Variants in UNC13C observed in about 807,000 individuals in gnomAD.
UNC13C encodes the protein protein unc-13 homolog C.
A neutral mutation model predicts 245.4 loss-of-function variants in UNC13C; 174 were observed. The observed-to-expected ratio is 0.71, with a 90% CI of 0.63 to 0.80. The LOEUF is 0.80. UNC13C is among the 30% of genes least tolerant of loss of function. UNC13C has a pLI of 0.00. For missense variants in UNC13C, 2,829 were observed against 2,602.9 expected (o/e 1.09, Z -1.89); for synonymous variants, 992 against 895.1 (o/e 1.11, Z -1.93).
chr15:54,600,180 G>T (rs1450820165), intron 30 of UNC13C, among the ~76,000 whole-genome samples: 1 of 152,040 alleles, frequency 6.6e-6, no homozygotes, highest in African/African-American at 2.4e-5. Flanking sequence ...GTGAGAGAGT[G>T]ATTTCATGGT....
the UNC13C span, among the ~76,000 whole-genome samples, chr15:53,951,972 C>T: frequency 1.3e-5 from 2 of 152,094 alleles, no homozygotes; most frequent in Non-Finnish European, 1.5e-5. Context: ...AAATGGAAAA[C>T]GTTGACTGCA....
chr15:54,442,149 G>C (rs1184331380), intron 19 of UNC13C, among the ~76,000 whole-genome samples: 1 of 150,886 alleles, frequency 6.6e-6, no homozygotes, highest in Admixed American at 6.6e-5. Flanking sequence ...TTCCAATTTT[G>C]ATGCCTTTTT....
Position 54,338,399 on chromosome 15 carries a change from G to T in UNC13C, c.4623G>T (p.Val1541=). The T allele has an allele frequency of 6.2e-7, 1 of 1,613,350 alleles. No homozygotes were observed. The highest frequency in any genetic ancestry group is 8.5e-7 in the Non-Finnish European group (1 of 1,179,478). The stretch of plus-strand genomic sequence containing the variant: ...AAAGCCCCCCAAAAGCGAGCATGGT[G>T]GTGAAGGACTGTGTAAGGGCTTGCC... The part of the protein sequence containing the change: ...ELQSPPKASM[V]VKDCVRACLD... Residue 1541 remains valine (V), a synonymous_variant, in exon 17 of 33, where the codon GTG becomes GTT. Transcript: ENST00000260323.
intron 19 of UNC13C, among the ~76,000 whole-genome samples, chr15:54,493,733 A>G (rs1893826973): frequency 6.6e-6 from 1 of 152,118 alleles, no homozygotes; most frequent in Non-Finnish European, 1.5e-5. Flanking sequence ...AGGTTTCATT[A>G]TGTTTACAGT....
intron 2 of UNC13C, among the ~76,000 whole-genome samples, chr15:54,140,476 C>T (rs1380514081): frequency 6.6e-6 from 1 of 152,122 alleles, no homozygotes; most frequent in Non-Finnish European, 1.5e-5. Flanking sequence ...GATAAGGAAA[C>T]TGGCAAAGGA....
Position 54,014,176 on chromosome 15 carries a change from C to G in UNC13C, c.1273C>G (p.Gln425Glu). 6.2e-7 allele frequency: 1 copy of G among 1,613,874 alleles called. No individual in the cohort carries two copies. The highest frequency in any genetic ancestry group is 8.5e-7 in the Non-Finnish European group (1 of 1,179,846). The stretch of plus-strand genomic sequence containing the variant: ...AAAAGAGAAAGGGATACCATCCTCC[C>G]AGACATATGAGAGCATGGCTATAAA... ...ERKEKGIPSS[Q>E]TYESMAIKLS... Residue 425 changes from glutamine (Q) to glutamate (E), a missense_variant, in exon 2 of 33, where the codon CAG becomes GAG. Transcript: ENST00000260323.
chr15:54,380,491 T>C (rs1362940221), intron 17 of UNC13C, among the ~76,000 whole-genome samples: 1 of 152,194 alleles, frequency 6.6e-6, no homozygotes, highest in Non-Finnish European at 1.5e-5. Context: ...ATATATACAG[T>C]GGTCAGCTGA....
At chr15:54,468,444 C>G (rs570100388) in intron 19 of UNC13C, among the ~76,000 whole-genome samples, 1 of 151,580 alleles carries the variant, frequency 6.6e-6, no homozygotes, top group South Asian at 2.1e-4. Flanking sequence ...TGTGCAGAAG[C>G]TTTTTATTTT....
chr15:54,232,682 A>T (rs1272956604), intron 4 of UNC13C, among the ~76,000 whole-genome samples: 6 of 152,184 alleles, frequency 3.9e-5, no homozygotes, highest in Admixed American at 1.3e-4. Context: ...TGAAAGTTGC[A>T]TTATTTAGAA....
chr15:54,439,348 C>T (rs572972681), intron 19 of UNC13C, among the ~76,000 whole-genome samples: 9 of 151,976 alleles, frequency 5.9e-5, no homozygotes, highest in South Asian at 2.1e-4. Flanking sequence ...AGGTTTCTTT[C>T]GACTATGTAA....
intron 30 of UNC13C, among the ~76,000 whole-genome samples, chr15:54,595,250 G>A (rs1040966169): frequency 3.9e-5 from 6 of 151,906 alleles, no homozygotes; most frequent in Non-Finnish European, 8.8e-5. Context: ...TTATGCTCTC[G>A]GGGCCTAAGG....
At chr15:53,905,399 T>TAC in the UNC13C span, among the ~76,000 whole-genome samples, 8,262 of 123,502 alleles carry the variant, frequency 0.067, 495 homozygotes, top group East Asian at 0.22. Context: ...TATTACTTTA[T>TAC]ACACACACAC....
intron 4 of UNC13C, among the ~76,000 whole-genome samples, chr15:54,174,157 G>A (rs2033523774): frequency 6.6e-6 from 1 of 152,078 alleles, no homozygotes; most frequent in Non-Finnish European, 1.5e-5. Flanking sequence ...TTGGTCGCTA[G>A]TTCTCTTTTC....
chr15:53,929,256 C>T, the UNC13C span, among the ~76,000 whole-genome samples: 2 of 152,042 alleles, frequency 1.3e-5, no homozygotes, highest in African/African-American at 4.8e-5. Context: ...AAAGTCCCAC[C>T]CCCATGATTC....
chr15:54,304,319 G>A (rs919949741), intron 13 of UNC13C, among the ~76,000 whole-genome samples: 2 of 152,116 alleles, frequency 1.3e-5, no homozygotes, highest in Non-Finnish European at 2.9e-5. Flanking sequence ...GAATGCCTTA[G>A]GTTTTGTGAT....
At chr15:54,292,942 C>A (rs1012735968) in intron 10 of UNC13C, among the ~76,000 whole-genome samples, 1 of 148,248 alleles carries the variant, frequency 6.7e-6, no homozygotes, top group African/African-American at 2.5e-5. Context: ...ATATCTATAT[C>A]TATCTATATA....
At chr15:53,981,989 C>A (rs1046020384) in intron 1 of UNC13C, among the ~76,000 whole-genome samples, 5 of 152,070 alleles carry the variant, frequency 3.3e-5, no homozygotes, top group African/African-American at 9.7e-5. Context: ...TTATATTATT[C>A]TTCCTATGTA....
At chr15:53,979,751 T>A (rs2243799) in intron 1 of UNC13C, among the ~76,000 whole-genome samples, 59,634 of 152,022 alleles carry the variant, frequency 0.39, 12,936 homozygotes, top group East Asian at 0.56. Context: ...TGGGTAATGC[T>A]TATAAAGATT....
At chr15:53,961,248 G>A in the UNC13C span, among the ~76,000 whole-genome samples, 4,699 of 152,318 alleles carry the variant, frequency 0.031, 99 homozygotes, top group South Asian at 0.058. Context: ...GCACAGCACC[G>A]GACCATGAAG....
Sources: gnomAD v4.1 joint callset for allele counts (sites outside exome capture counted in the v4.1 genomes callset) on GRCh38, gnomAD v4.1.1 for gene constraint, MANE v1.5 for transcripts, NCBI Gene and HGNC (gene_info 2026-07-23, HGNC 2026-07-21) for gene names.